Variants in CDH13 observed in about 807,000 individuals in gnomAD.
CDH13 encodes cadherin 13, also known as cadherin-13.
Under a neutral mutation model 63.8 loss-of-function variants are expected in CDH13, and 24 were observed. The observed-to-expected ratio is 0.38, with a 90% confidence interval of 0.27 to 0.53. CDH13 has a LOEUF of 0.53. CDH13 is among the 20% of genes least tolerant of loss of function. CDH13 has a pLI of 0.85. For synonymous variants in CDH13, 503 were observed against 355.3 expected (o/e 1.42, Z -4.67); for missense variants, 1,049 against 903.1 (o/e 1.16, Z -2.07).
chr16:83,449,962 G>A (rs1350558911), intron 6 of CDH13, among the ~76,000 whole-genome samples: 1 of 152,188 alleles, frequency 6.6e-6, no homozygotes, highest in East Asian at 1.9e-4. Flanking sequence ...AGCATTTGAT[G>A]ACTGAATCAC....
chr16:82,858,740 A>T (rs1254300227), intron 2 of CDH13: 1 of 588,238 alleles, frequency 1.7e-6, no homozygotes, highest in African/African-American at 1.9e-5. Context: ...GTCAGCCTCC[A>T]ATGAGAGTTG....
chr16:83,578,522 AG>A (rs992211169), intron 7 of CDH13, among the ~76,000 whole-genome samples: 4 of 152,210 alleles, frequency 2.6e-5, no homozygotes, highest in African/African-American at 9.6e-5. Flanking sequence ...AGGAAGCAAA[AG>A]GGGAGGAGAA....
At chr16:82,807,896 G>A (rs80047981) in intron 1 of CDH13, among the ~76,000 whole-genome samples, 1 of 152,150 alleles carries the variant, frequency 6.6e-6, no homozygotes, top group Non-Finnish European at 1.5e-5. Flanking sequence ...AGAATATCTT[G>A]GGTAATTTTC....
At chr16:83,159,757 T>C (rs920191320) in intron 4 of CDH13, among the ~76,000 whole-genome samples, 2 of 152,202 alleles carry the variant, frequency 1.3e-5, no homozygotes, top group Non-Finnish European at 2.9e-5. Flanking sequence ...CTGTACCACA[T>C]TGAGCTGGAT....
At chr16:82,916,022 A>T (rs1265694021) in intron 2 of CDH13, among the ~76,000 whole-genome samples, 1 of 152,074 alleles carries the variant, frequency 6.6e-6, no homozygotes, top group Non-Finnish European at 1.5e-5. Flanking sequence ...TTAATACTTT[A>T]AAATAATTCA....
At chr16:82,704,905 A>G (rs9921969) in intron 1 of CDH13, among the ~76,000 whole-genome samples, 152,258 of 152,364 alleles carry the variant, frequency 1, 76,076 homozygotes, top group Middle Eastern at 1. Flanking sequence ...CATAATCAGT[A>G]TTTGTTAATT....
intron 8 of CDH13, among the ~76,000 whole-genome samples, chr16:83,609,139 G>T (rs1383802324): frequency 1.3e-5 from 2 of 152,150 alleles, no homozygotes; most frequent in Non-Finnish European, 2.9e-5. Context: ...GCTATGCCAA[G>T]CTTGTTCAAC....
Position 83,170,553 on chromosome 16 carries a change from A to C in CDH13, c.483+45052A>C, listed in dbSNP as rs9941241. Among the ~76,000 whole-genome samples, 4 of 152,008 alleles carry C rather than the reference A, an allele frequency of 2.6e-5. 1 individual carries two copies. The highest frequency in any genetic ancestry group is 5.9e-5 in the Non-Finnish European group (4 of 67,974). ...AGCCTTTGAGATTTTCCGGACAGCT[A>C]TCTGTCAGTCTTAGTACTTAAAATT... On this transcript the variant is annotated intron_variant, in intron 4 of 13. Coordinates refer to ENST00000567109, the MANE Select transcript of CDH13 (RefSeq NM_001257.5).
At chr16:83,062,350 T>C (rs1365495655) in intron 3 of CDH13, among the ~76,000 whole-genome samples, 1 of 152,242 alleles carries the variant, frequency 6.6e-6, no homozygotes, top group African/African-American at 2.4e-5. Flanking sequence ...TTTTGTTTTT[T>C]GTCCATCTCC....
At chr16:83,485,273 G>A (rs1042858185) in intron 6 of CDH13, among the ~76,000 whole-genome samples, 9 of 152,194 alleles carry the variant, frequency 5.9e-5, no homozygotes, top group Admixed American at 5.2e-4. Context: ...AGATGCCAAG[G>A]AGGCGAAGGC....
rs916542864 is a variant in CDH13 at position 83,197,650 on chromosome 16, T to C, written c.484-19695T>C. Among the ~76,000 whole-genome samples the C allele has an allele frequency of 2.0e-5, 3 of 152,284 alleles. No homozygotes were observed. In the South Asian group the frequency reaches 6.2e-4, roughly 32 times the overall value. ...GTCTCTGCAAGAGAGGAAGATGTGG[T>C]TGTGAAATGACAACACGAAGGATCC... On this transcript the variant is annotated intron_variant, in intron 4 of 13. Coordinates refer to ENST00000567109, the MANE Select transcript of CDH13 (RefSeq NM_001257.5).
chr16:83,384,150 G>T (rs2091625841), intron 6 of CDH13, among the ~76,000 whole-genome samples: 1 of 152,092 alleles, frequency 6.6e-6, no homozygotes, highest in South Asian at 2.1e-4. Context: ...TAATATCTAA[G>T]GGTTTTTCTA....
chr16:83,504,598 C>G (rs756735356), intron 7 of CDH13, among the ~76,000 whole-genome samples: 2 of 152,166 alleles, frequency 1.3e-5, no homozygotes, highest in African/African-American at 4.8e-5. Context: ...ATGGGACCCA[C>G]TCCGGGTGCT....
chr16:83,689,915 G>C (rs1904678531), intron 10 of CDH13, among the ~76,000 whole-genome samples: 2 of 152,252 alleles, frequency 1.3e-5, no homozygotes. Flanking sequence ...GCCGGGAGCA[G>C]TGGCTCACAC....
intron 1 of CDH13, among the ~76,000 whole-genome samples, chr16:82,843,197 T>C (rs2039107075): frequency 6.6e-6 from 1 of 152,222 alleles, no homozygotes; most frequent in Non-Finnish European, 1.5e-5. Context: ...TTCTTGAAGA[T>C]AGGGACCTTG....
chr16:82,765,088 C>A (rs1325233289), intron 1 of CDH13, among the ~76,000 whole-genome samples: 2 of 152,230 alleles, frequency 1.3e-5, no homozygotes, highest in Non-Finnish European at 2.9e-5. Context: ...AGTGCACTGC[C>A]TTCATTCATT....
rs286680 is a variant in CDH13 at position 82,855,687 on chromosome 16, C to G, written c.46-2675C>G. On this transcript the variant is annotated intron_variant, in intron 1 of 13. Coordinates refer to ENST00000567109, the MANE Select transcript of CDH13 (RefSeq NM_001257.5). ...GACAAGGGAATCCATGATTCACAAG[C>G]GGAACCGTACAGATGCCAGACCACA... 1.2e-4 allele frequency among the ~76,000 whole-genome samples: 18 copies of G among 152,094 alleles called. No homozygotes were observed. In the Middle Eastern group the frequency reaches 0.01, roughly 86 times the overall value.
chr16:82,862,623 A>G (rs565065790), intron 2 of CDH13, among the ~76,000 whole-genome samples: 6 of 152,322 alleles, frequency 3.9e-5, no homozygotes, highest in African/African-American at 1.4e-4. Context: ...ACATGCAAAC[A>G]TAGACACATA....
intron 5 of CDH13, among the ~76,000 whole-genome samples, chr16:83,240,469 G>A (rs1416039506): frequency 6.6e-6 from 1 of 152,004 alleles, no homozygotes; most frequent in African/African-American, 2.4e-5. Flanking sequence ...AAGGAAACCA[G>A]GTGAGAAAGA....
Sources: allele counts gnomAD v4.1 joint callset (sites outside exome capture counted in the v4.1 genomes callset), GRCh38; gene constraint gnomAD v4.1.1; transcripts MANE v1.5; gene names NCBI Gene and HGNC (gene_info 2026-07-23, HGNC 2026-07-21).